PCDHGB6: variants seen among roughly 807,000 people sequenced by gnomAD.
The protein encoded by PCDHGB6 is protocadherin gamma subfamily B, 6, also known as protocadherin gamma-B6.
Under a neutral mutation model 59.1 loss-of-function variants are expected in PCDHGB6, and 51 were observed. The ratio of observed to expected loss-of-function variants is 0.86; its 90% confidence interval spans 0.69 to 1.09. The LOEUF (loss-of-function observed/expected upper bound fraction) is 1.09, where lower values mean the gene tolerates loss of function less well. Among genes scored for constraint, PCDHGB6 ranks in the 50% least tolerant of loss-of-function variants. The probability of loss-of-function intolerance (pLI) is 0.00; values close to 1 mark genes in which losing one functional copy is unlikely to be tolerated. For missense variants in PCDHGB6, 1,148 were observed against 1,205.1 expected, an observed-to-expected ratio of 0.95 and a Z score of 0.70; for synonymous variants, 466 against 495.1, an observed-to-expected ratio of 0.94 and a Z score of 0.78.
intron 1 of PCDHGB6, among the ~76,000 whole-genome samples, chr5:141,452,674 G>A (rs2098746885): frequency 6.6e-6 from 1 of 151,936 alleles, no homozygotes; most frequent in Non-Finnish European, 1.5e-5. Context: ...TCCAGCCTAG[G>A]CCACAGAATG....
intron 1 of PCDHGB6, chr5:141,428,113 T>G: frequency 3.7e-6 from 6 of 1,607,492 alleles, no homozygotes; most frequent in Non-Finnish European, 5.1e-6. Context: ...CTGCAGGCCA[T>G]CGAGCCCGGG....
At chr5:141,475,902 C>T (rs1296545944) in intron 1 of PCDHGB6, 1 of 576,594 alleles carries the variant, frequency 1.7e-6, no homozygotes, top group Non-Finnish European at 3.0e-6. Context: ...GTGCCGCTGT[C>T]GGCCAATGAA....
At chr5:141,434,691 A>G (rs1263712056) in intron 1 of PCDHGB6, among the ~76,000 whole-genome samples, 2 of 152,150 alleles carry the variant, frequency 1.3e-5, no homozygotes. Flanking sequence ...GCTTGCTGTT[A>G]ATAAATATGT....
At chr5:141,423,362 T>G (rs1419859253) in intron 1 of PCDHGB6, 1 of 1,614,112 alleles carries the variant, frequency 6.2e-7, no homozygotes, top group African/African-American at 1.3e-5. Flanking sequence ...GTCATCGTGC[T>G]GCTGGCACTC....
In PCDHGB6 at chr5:141,487,086, TCCCACCACAGAAG is replaced by T. The variant is rs2099639456; in HGVS notation, c.2419-7719_2419-7707del. 6.2e-7 allele frequency: 1 copy of T among 1,613,822 alleles called. No homozygotes were observed. ...ACGGCTGTTCCTATCCCAGCTGACC[TCCCACCACAGAAG>T]CTGGTCATTGTGGTAAAGGATAGTG... On this transcript the variant is annotated intron_variant, in intron 1 of 3. Coordinates refer to ENST00000520790, the MANE Select transcript of PCDHGB6 (RefSeq NM_018926.3). The surrounding 1 kb of genome is among the most constrained non-coding windows in gnomAD (Gnocchi z 5.0).
At position 141,410,105 on chromosome 5, in the gene PCDHGB6, A is replaced by G; in HGVS notation, c.1903A>G (p.Arg635Gly). Residue 635 changes from arginine (R) to glycine (G), a missense_variant, in exon 1 of 4, where the codon AGG (arginine) becomes GGG (glycine). Coordinates refer to ENST00000520790, the MANE Select transcript of PCDHGB6 (RefSeq NM_018926.3). ...GCGCACGGCTCGAGCCTTAGGCGAC[A>G]GGGACGCAGCCCGCCAGCGCCTGCT... Reference protein sequence around the residue: ...EVRTARALGDRDAARQRLLVA... With the variant: ...EVRTARALGDGDAARQRLLVA... 1 of 1,612,376 alleles carries G rather than the reference A, an allele frequency of 6.2e-7. No homozygotes were observed. Among genetic ancestry groups the G allele is most frequent in the South Asian group, 1.1e-5 (1 of 91,002 alleles).
At chr5:141,413,824 A>G (rs1265406182) in intron 1 of PCDHGB6, 1 of 1,613,114 alleles carries the variant, frequency 6.2e-7, no homozygotes, top group Middle Eastern at 1.6e-4. Context: ...CCTGGTCCTC[A>G]CCGCCTCCGA....
chr5:141,427,193 C>T (rs1427995075), intron 1 of PCDHGB6: 1 of 456,496 alleles, frequency 2.2e-6, no homozygotes, highest in Admixed American at 2.4e-5. Context: ...AATCCAAAGA[C>T]TTAATAGACT....
At chr5:141,478,487 A>G (rs1593917832) in intron 1 of PCDHGB6, 1 of 1,613,454 alleles carries the variant, frequency 6.2e-7, no homozygotes, top group South Asian at 1.1e-5. Flanking sequence ...CACGCTGCGG[A>G]GCTGTGATCC....
At chr5:141,484,966 G>A in intron 1 of PCDHGB6, 1 of 583,968 alleles carries the variant, frequency 1.7e-6, no homozygotes. Context: ...GAGCCCGGGA[G>A]CCGCTGTCTG....
intron 1 of PCDHGB6, among the ~76,000 whole-genome samples, chr5:141,481,037 G>A (rs1438691746): frequency 2.0e-5 from 3 of 152,050 alleles, no homozygotes; most frequent in East Asian, 3.9e-4. Context: ...CAGCCTGGGC[G>A]ACAGAGCGAG....
rs774563598 is a variant in PCDHGB6 at position 141,431,225 on chromosome 5, C to T, written c.2418+20605C>T. 16 of 1,614,118 alleles carry T rather than the reference C, an allele frequency of 9.9e-6. No individual in the cohort carries two copies. The highest frequency in any genetic ancestry group is 1.2e-5 in the Non-Finnish European group (14 of 1,180,036). On this transcript the variant is annotated intron_variant, in intron 1 of 3. Transcript: ENST00000520790. The surrounding 1 kb of genome is among the most constrained non-coding windows in gnomAD (Gnocchi z 4.8). ...CACTGAGATGCGGTTCCCTCTACCC[C>T]ACGCCTGGGATCCGGATATCGGGAA...
In PCDHGB6 at chr5:141,438,615, TATATATATATATATATATATACAC is replaced by T. The variant is rs1230398483; in HGVS notation, c.2418+27997_2418+28020del. ...ACATATATATATATATATATATATA[TATATATATATATATATATATACAC>T]ACACACACACACATATATGTATATA... is the stretch of plus-strand genomic sequence containing the variant. On this transcript the variant is annotated intron_variant, in intron 1 of 3. Transcript: ENST00000520790. Among the ~76,000 whole-genome samples the T allele has an allele frequency of 3.0e-3, 107 of 35,910 alleles. 2 individuals carry two copies. The highest frequency in any genetic ancestry group is 7.9e-3 in the African/African-American group (39 of 4,916). The allele number at this position is 35,910 out of a possible 152,430, so 23.6% of individuals were successfully genotyped here. A position where few individuals can be genotyped will look rare whatever the true frequency, so the allele number is the denominator to read the frequency against.
At chr5:141,415,282 G>A in intron 1 of PCDHGB6, 1 of 1,614,224 alleles carries the variant, frequency 6.2e-7, no homozygotes, top group Non-Finnish European at 8.5e-7. Flanking sequence ...AGCGGTGGCC[G>A]CGGTCTCCTG....
In PCDHGB6 at chr5:141,487,128, G is replaced by T. The variant is rs565927415; in HGVS notation, c.2419-7679G>T. On this transcript the variant is annotated intron_variant, in intron 1 of 3. Transcript: ENST00000520790. This position sits in a 1 kb window ranked among gnomAD's most constrained non-coding sequence, Gnocchi z 5.0. ...GTCATTGTGGTAAAGGATAGTGGTA[G>T]TCCACCACTCTCTACCTCTGTTACT... The T allele has an allele frequency of 6.3e-5, 102 of 1,614,086 alleles. No individual in the cohort carries two copies. The South Asian group carries it at 7.7e-4, about 12-fold the overall frequency.
At chr5:141,467,564 G>A (rs926613546) in intron 1 of PCDHGB6, among the ~76,000 whole-genome samples, 5 of 152,152 alleles carry the variant, frequency 3.3e-5, no homozygotes, top group Admixed American at 3.3e-4. Flanking sequence ...TTCCCAAATG[G>A]CTATCCAGTT....
Position 141,432,599 on chromosome 5 carries a change from C to T in PCDHGB6, c.2418+21979C>T. 2.5e-6 allele frequency: 4 copies of T among 1,613,908 alleles called. No individual in the cohort carries two copies. The highest frequency in any genetic ancestry group is 2.7e-5 in the African/African-American group (2 of 75,052). On this transcript the variant is annotated intron_variant, in intron 1 of 3. Coordinates refer to ENST00000520790, the MANE Select transcript of PCDHGB6 (RefSeq NM_018926.3). The surrounding 1 kb of genome is among the most constrained non-coding windows in gnomAD (Gnocchi z 6.0). Reference sequence around the variant, plus strand: ...CTACCGTCTGCTCAAGGCCAGCGAGCCGGGACTCTTCTCGGTGGGTCTGCA... The same window carrying T: ...CTACCGTCTGCTCAAGGCCAGCGAGTCGGGACTCTTCTCGGTGGGTCTGCA...
chr5:141,443,217 G>A (rs1447455858), intron 1 of PCDHGB6, among the ~76,000 whole-genome samples: 8 of 151,656 alleles, frequency 5.3e-5, no homozygotes, highest in African/African-American at 2.4e-5. Flanking sequence ...CTCGCCAGGC[G>A]CATCTATAAT....
chr5:141,451,443 C>A (rs1184838490), intron 1 of PCDHGB6, among the ~76,000 whole-genome samples: 1 of 152,176 alleles, frequency 6.6e-6, no homozygotes, highest in Non-Finnish European at 1.5e-5. Context: ...CAGTTCCTTG[C>A]TGGTTGTTAG....
Sources: allele counts gnomAD v4.1 joint callset (sites outside exome capture counted in the v4.1 genomes callset), GRCh38; gene constraint gnomAD v4.1.1; non-coding constraint Gnocchi (gnomAD v3.1); transcripts MANE v1.5; gene names NCBI Gene and HGNC (gene_info 2026-07-23, HGNC 2026-07-21).